The following KAZN variants were observed in gnomAD, a reference collection of about 807,000 sequenced individuals.
KAZN encodes the protein kazrin.
In KAZN, 40 loss-of-function variants were observed where a neutral mutation model predicts 87.4. That is an observed-to-expected ratio of 0.46 (90% CI 0.36 to 0.60). The LOEUF is 0.60. KAZN is among the 20% of genes least tolerant of loss of function. KAZN has a pLI of 0.00. For missense variants in KAZN, 898 were observed against 1,073.9 expected (o/e 0.84, Z 2.29); for synonymous variants, 466 against 458.3 (o/e 1.02, Z -0.22).
At chr1:14,871,724 T>C (rs1412416425) in intron 1 of KAZN, among the ~76,000 whole-genome samples, 1 of 151,616 alleles carries the variant, frequency 6.6e-6, no homozygotes, top group African/African-American at 2.4e-5. Flanking sequence ...GTGTTAATTC[T>C]TTGACTGCAT....
At chr1:14,689,163 C>T (rs1641134274) in intron 1 of KAZN, among the ~76,000 whole-genome samples, 2 of 152,118 alleles carry the variant, frequency 1.3e-5, no homozygotes, top group South Asian at 4.1e-4. Context: ...CCACTGCACT[C>T]CAGCCTGGGC....
intron 1 of KAZN, among the ~76,000 whole-genome samples, chr1:14,922,039 T>C (rs1484115337): frequency 6.6e-6 from 1 of 152,104 alleles, no homozygotes; most frequent in South Asian, 2.1e-4. Flanking sequence ...TGTTATGGAG[T>C]TAAGAGGAAA....
intron 2 of KAZN, among the ~76,000 whole-genome samples, chr1:14,428,941 A>T (rs751478487): frequency 7.9e-5 from 12 of 151,940 alleles, no homozygotes; most frequent in Non-Finnish European, 1.6e-4. Flanking sequence ...GATATATATT[A>T]TATATAGAAC....
chr1:15,107,949 T>C (rs548234573), intron 13 of KAZN, among the ~76,000 whole-genome samples: 1 of 152,324 alleles, frequency 6.6e-6, no homozygotes, highest in East Asian at 1.9e-4. Context: ...TGCCCGGCAG[T>C]AACTGAGAGC....
intron 2 of KAZN, among the ~76,000 whole-genome samples, chr1:14,503,082 G>A (rs11806337): frequency 0.04 from 6,068 of 152,038 alleles, 390 homozygotes; most frequent in African/African-American, 0.13. Context: ...GAATATGGGC[G>A]GTTCACATTT....
chr1:14,699,367 G>C (rs1032826208), intron 1 of KAZN, among the ~76,000 whole-genome samples: 1 of 152,220 alleles, frequency 6.6e-6, no homozygotes, highest in Non-Finnish European at 1.5e-5. Context: ...TTAACCAGAG[G>C]CTCAAAAGAA....
chr1:14,638,942 T>A (rs1680215290), intron 1 of KAZN, among the ~76,000 whole-genome samples: 1 of 152,198 alleles, frequency 6.6e-6, no homozygotes, highest in Non-Finnish European at 1.5e-5. Flanking sequence ...ACTTCTCAGC[T>A]CAACACCCTT....
At chr1:14,932,957 C>A (rs1660019050) in intron 1 of KAZN, among the ~76,000 whole-genome samples, 2 of 152,282 alleles carry the variant, frequency 1.3e-5, no homozygotes, top group African/African-American at 4.8e-5. Flanking sequence ...GAAACCATGG[C>A]CCATTAAACA....
chr1:14,470,243 T>C (rs1668381241), intron 2 of KAZN, among the ~76,000 whole-genome samples: 3 of 152,070 alleles, frequency 2.0e-5, no homozygotes. Context: ...GAATATTATG[T>C]CAACTAGACT....
At chr1:14,176,404 C>T (rs1051086197) in intron 1 of KAZN, among the ~76,000 whole-genome samples, 1 of 152,168 alleles carries the variant, frequency 6.6e-6, no homozygotes, top group African/African-American at 2.4e-5. Flanking sequence ...GCCACAGGGT[C>T]ACCATTTCCA....
At chr1:14,789,750 T>A (rs1427233175) in intron 1 of KAZN, among the ~76,000 whole-genome samples, 2 of 97,904 alleles carry the variant, frequency 2.0e-5, no homozygotes, top group Non-Finnish European at 3.5e-5. Context: ...GACTCTAAGC[T>A]CCTCATTACC....
chr1:14,166,455 A>G (rs1451004157), intron 1 of KAZN, among the ~76,000 whole-genome samples: 2 of 152,186 alleles, frequency 1.3e-5, no homozygotes, highest in African/African-American at 4.8e-5. Context: ...TTTGTCCTCA[A>G]GTTTCTCATC....
chr1:14,892,188 C>T (rs1218809811), intron 1 of KAZN, among the ~76,000 whole-genome samples: 1 of 152,142 alleles, frequency 6.6e-6, no homozygotes, highest in Non-Finnish European at 1.5e-5. Context: ...CTAGGGAGCC[C>T]AGCCCAGCAC....
intron 2 of KAZN, among the ~76,000 whole-genome samples, chr1:14,467,544 A>C (rs1184143422): frequency 1.3e-5 from 2 of 152,026 alleles, no homozygotes; most frequent in Non-Finnish European, 2.9e-5. Context: ...AGATTAGCAG[A>C]GTGGCTTTTT....
intron 1 of KAZN, among the ~76,000 whole-genome samples, chr1:13,952,638 C>T (rs981993250): frequency 1.4e-4 from 13 of 94,796 alleles, no homozygotes; most frequent in Admixed American, 5.0e-4. Flanking sequence ...GCAGGGTCTT[C>T]TGGGAACTGT....
At chr1:14,226,152 A>G (rs1647277553) in intron 2 of KAZN, among the ~76,000 whole-genome samples, 1 of 152,224 alleles carries the variant, frequency 6.6e-6, no homozygotes. Flanking sequence ...TTTGCAAACT[A>G]TGCATCTGAC....
chr1:14,147,752 C>T (rs10928035), intron 1 of KAZN, among the ~76,000 whole-genome samples: 30,435 of 150,540 alleles, frequency 0.2, 3,766 homozygotes, highest in East Asian at 0.6. Context: ...GCCGAGATCG[C>T]GCCACTGCAC....
At chr1:13,970,758 T>G (rs952720754) in intron 1 of KAZN, among the ~76,000 whole-genome samples, 1 of 152,238 alleles carries the variant, frequency 6.6e-6, no homozygotes, top group African/African-American at 2.4e-5. Flanking sequence ...TTTCTCTGGT[T>G]CATACTTCTA....
At chr1:14,221,617 G>A (rs148951547) in intron 2 of KAZN, among the ~76,000 whole-genome samples, 4 of 152,086 alleles carry the variant, frequency 2.6e-5, no homozygotes, top group African/African-American at 4.8e-5. Context: ...ATCCTGTTAC[G>A]AGTCACCATT....
Sources: allele counts gnomAD v4.1 joint callset (sites outside exome capture counted in the v4.1 genomes callset), GRCh38; gene constraint gnomAD v4.1.1; transcripts MANE v1.5; gene names NCBI Gene and HGNC (gene_info 2026-07-23, HGNC 2026-07-21).